The following PARP14 variants were observed in gnomAD, a reference collection of about 807,000 sequenced individuals.
PARP14 encodes protein mono-ADP-ribosyltransferase PARP14.
In PARP14, 59 loss-of-function variants were observed where a neutral mutation model predicts 154.2. The observed-to-expected ratio is 0.38, with a 90% confidence interval of 0.31 to 0.48. PARP14 has a LOEUF of 0.48. PARP14 is among the 20% of genes least tolerant of loss of function. PARP14 has a pLI of 0.98. For missense variants in PARP14, 1,734 were observed against 2,131.6 expected (o/e 0.81, Z 3.67); for synonymous variants, 720 against 780.5 (o/e 0.92, Z 1.29).
chr3:122,681,862 C>A lies in PARP14; in HGVS notation c.187+792C>A, dbSNP rs961954874. ...GGCCTCCCTGGTCTGCAATGGGAAG[C>A]CAGTGACCTGCAGCTCCCAGAATGG... On this transcript the variant is annotated intron_variant, in intron 1 of 16. Transcript: ENST00000474629. This position sits in a 1 kb window ranked among gnomAD's most constrained non-coding sequence, Gnocchi z 5.5. Among the ~76,000 whole-genome samples the A allele has an allele frequency of 1.3e-5, 2 of 152,176 alleles. No individual in the cohort carries two copies. Among genetic ancestry groups the A allele is most frequent in the Admixed American group, 6.5e-5 (1 of 15,278 alleles).
At chr3:122,696,857 C>T (rs1261009752) in intron 5 of PARP14, among the ~76,000 whole-genome samples, 2 of 152,158 alleles carry the variant, frequency 1.3e-5, no homozygotes, top group African/African-American at 2.4e-5. Flanking sequence ...TTTGACCACA[C>T]CTCCTCCTCC....
In PARP14 at chr3:122,719,001, A is replaced by G. The variant is rs771690342; in HGVS notation, c.4807+43A>G. On this transcript the variant is annotated intron_variant, in intron 14 of 16. Coordinates refer to ENST00000474629, the MANE Select transcript of PARP14 (RefSeq NM_017554.3). ...ACTTGTCATCCACTATTTCACATCT[A>G]CTTTGGGCATAACACTATTTGGTAC... 2.0e-6 allele frequency: 3 copies of G among 1,482,526 alleles called. No individual in the cohort carries two copies. The South Asian group carries it at 4.2e-5, about 21-fold the overall frequency. 91.8% of individuals were successfully genotyped at this position (1,482,526 alleles called of 1,614,324 possible).
chr3:122,695,723 A>T (rs1002913047), intron 5 of PARP14, 61 bp downstream of exon 5: 5 of 754,772 alleles, frequency 6.6e-6, no homozygotes, highest in Middle Eastern at 2.6e-4. Context: ...AGAGCTTAAT[A>T]GTTATAAATT....
Position 122,700,781 on chromosome 3 carries a change from G to A in PARP14, c.2227G>A (p.Val743Ile). 1 of 1,613,590 alleles carries A rather than the reference G, an allele frequency of 6.2e-7. No homozygotes were observed. Among genetic ancestry groups the A allele is most frequent in the Non-Finnish European group, 8.5e-7 (1 of 1,179,686 alleles). ...QVWDSVCVKS[V>I]HTDKPGAKQF... ...CTGGGATTCAGTCTGTGTTAAAAGTGTCCATACTGATAAGCCAGGAGCCAA... is the reference window on the plus strand; with the variant it reads ...CTGGGATTCAGTCTGTGTTAAAAGTATCCATACTGATAAGCCAGGAGCCAA... The change falls in exon 6 of 17, where the codon GTC becomes ATC. Residue 743 changes from valine to isoleucine, a missense_variant. Val to Ile is a conservative substitution (Grantham distance 29). Coordinates refer to ENST00000474629, the MANE Select transcript of PARP14 (RefSeq NM_017554.3).
rs931505900 is a variant in PARP14, at chr3:122,713,908, A to G, written c.3806A>G (p.Asn1269Ser). The change falls in exon 11 of 17, where the codon AAT becomes AGT. Residue 1269 changes from asparagine to serine, a missense_variant. Coordinates refer to ENST00000474629, the MANE Select transcript of PARP14 (RefSeq NM_017554.3). ...GCAATTTTAGAATGTGCTGGACAAA[A>G]TGTAGAAAGGGAATGTTCTCAGCAA... ...SKAILECAGQNVERECSQQAQ... is the reference protein window; with the variant it reads ...SKAILECAGQSVERECSQQAQ... The G allele has an allele frequency of 1.2e-6, 2 of 1,612,914 alleles. No homozygotes were observed. Among genetic ancestry groups the G allele is most frequent in the Non-Finnish European group, 1.7e-6 (2 of 1,179,064 alleles).
intron 12 of PARP14, 57 bp downstream of exon 12, chr3:122,714,486 T>C (rs1342869415): frequency 2.1e-6 from 3 of 1,401,898 alleles, no homozygotes; most frequent in East Asian, 4.8e-5. Context: ...TCCCTTTCAT[T>C]TGGAGCTGAG....
At chr3:122,716,395 T>A (rs1932998959) in intron 12 of PARP14, among the ~76,000 whole-genome samples, 2 of 152,306 alleles carry the variant, frequency 1.3e-5, no homozygotes, top group South Asian at 4.1e-4. Flanking sequence ...TGATTGAATA[T>A]TTACTGAGTG....
intron 14 of PARP14, among the ~76,000 whole-genome samples, chr3:122,719,652 C>T (rs778093644): frequency 2.6e-5 from 4 of 152,158 alleles, no homozygotes; most frequent in South Asian, 2.1e-4. Context: ...AACAGATTCC[C>T]GAGACTCTGA....
In PARP14 at chr3:122,728,665, C is replaced by CA; in HGVS notation, c.*68_*69insA. The CA allele has an allele frequency of 8.7e-7, 1 of 1,155,470 alleles. No homozygotes were observed. The allele number at this position is 1,155,470 out of a possible 1,614,324, so 71.6% of individuals were successfully genotyped here. A position where few individuals can be genotyped will look rare whatever the true frequency, so the allele number is the denominator to read the frequency against. ...TATCTAGTTGTAAAACAAGTTTTAG[C>CA]TTTTTTTTTTAATTCCTCTTAACAG... On this transcript the variant is annotated 3_prime_UTR_variant, in exon 17 of 17. Coordinates refer to ENST00000474629, the MANE Select transcript of PARP14 (RefSeq NM_017554.3).
intron 1 of PARP14, among the ~76,000 whole-genome samples, chr3:122,683,058 AAAACAAAAACAAAC>A (rs1473557128): frequency 1.3e-5 from 2 of 152,158 alleles, no homozygotes; most frequent in African/African-American, 4.8e-5. Context: ...CATCTAAAAC[AAAACAAAAACAAAC>A]AAACAAAAAG....
At position 122,681,570 on chromosome 3, in the gene PARP14, T is replaced by C. The variant is rs1474227483; in HGVS notation, c.187+500T>C. Among the ~76,000 whole-genome samples, 1 of 152,124 alleles carries C rather than the reference T, an allele frequency of 6.6e-6. No homozygotes were observed. The highest frequency in any genetic ancestry group is 2.4e-5 in the African/African-American group (1 of 41,424). On this transcript the variant is annotated intron_variant, in intron 1 of 16. Coordinates refer to ENST00000474629, the MANE Select transcript of PARP14 (RefSeq NM_017554.3). The surrounding 1 kb of genome is among the most constrained non-coding windows in gnomAD (Gnocchi z 5.5). ...AGAGGGGCAGAGGCGCTACCTAAAA[T>C]CACACTGCCTGAATGTCAACGTAGA...
Position 122,701,755 on chromosome 3 carries a change from T to A in PARP14, c.3081+120T>A. 1 of 734,028 alleles carries A rather than the reference T, an allele frequency of 1.4e-6. No individual in the cohort carries two copies. Among genetic ancestry groups the A allele is most frequent in the South Asian group, 2.0e-5 (1 of 49,720 alleles). The allele number at this position is 734,028 out of a possible 1,614,324, so 45.5% of individuals were successfully genotyped here. A position where few individuals can be genotyped will look rare whatever the true frequency, so the allele number is the denominator to read the frequency against. On this transcript the variant is annotated intron_variant, in intron 6 of 16. Coordinates refer to ENST00000474629, the MANE Select transcript of PARP14 (RefSeq NM_017554.3). The surrounding 1 kb of genome is among the most constrained non-coding windows in gnomAD (Gnocchi z 4.0). The stretch of plus-strand genomic sequence containing the variant: ...GTGAGAATCAAGGGAGAGAATCCCA[T>A]GCCTTCCACCCCTGCCTTGAAACAA...
chr3:122,710,525 G>A (rs1282768794), intron 9 of PARP14, among the ~76,000 whole-genome samples: 1 of 152,016 alleles, frequency 6.6e-6, no homozygotes, highest in Non-Finnish European at 1.5e-5. Flanking sequence ...GCTTAGTCTT[G>A]CTTGGCTATA....
Position 122,685,266 on chromosome 3 carries a change from C to T in PARP14, c.269C>T (p.Pro90Leu). Residue 90 changes from proline (P) to leucine (L), a missense_variant, in exon 2 of 17, where the codon CCT (proline) becomes CTT (leucine). Pro to Leu is a moderately conservative substitution (Grantham distance 98, BLOSUM62 -3). This residue lies in a region of PARP14 where 1,646 missense variants were observed against 1,976.0 expected (regional missense o/e 0.83). Coordinates refer to ENST00000474629, the MANE Select transcript of PARP14 (RefSeq NM_017554.3). Reference protein sequence around the residue: ...KGTFKLTVQLPATPDEIDHVF... With the variant: ...KGTFKLTVQLLATPDEIDHVF... ...ACATTCAAGTTAACTGTCCAGTTAC[C>T]TGCAACCCCAGATGAAATCGATCAT... 5 of 1,613,800 alleles carry T rather than the reference C, an allele frequency of 3.1e-6. No homozygotes were observed. The highest frequency in any genetic ancestry group is 4.2e-6 in the Non-Finnish European group (5 of 1,179,738).
chr3:122,725,951 A>G (rs992522539), intron 15 of PARP14, among the ~76,000 whole-genome samples: 1 of 152,082 alleles, frequency 6.6e-6, no homozygotes, highest in Non-Finnish European at 1.5e-5. Flanking sequence ...TTCATTGCTT[A>G]CCCTAGAGAT....
At chr3:122,711,888 C>T (rs1316461881) in intron 9 of PARP14, among the ~76,000 whole-genome samples, 1 of 152,058 alleles carries the variant, frequency 6.6e-6, no homozygotes, top group South Asian at 2.1e-4. Context: ...TTCATAGCAG[C>T]CTTGAATGAT....
intron 15 of PARP14, among the ~76,000 whole-genome samples, chr3:122,723,294 C>T (rs1933205139): frequency 6.6e-6 from 1 of 152,172 alleles, no homozygotes; most frequent in Admixed American, 6.5e-5. Flanking sequence ...ATAACTCCCC[C>T]TCCCCAACCC....
intron 3 of PARP14, among the ~76,000 whole-genome samples, chr3:122,687,819 G>A (rs1319223965): frequency 6.6e-6 from 1 of 152,236 alleles, no homozygotes; most frequent in East Asian, 1.9e-4. Context: ...GAGCTAGAGA[G>A]ATAAAGTGGT....
rs1459219433 is a variant in PARP14 at position 122,718,122 on chromosome 3, T to C, written c.4052T>C (p.Ile1351Thr). 2 of 1,613,922 alleles carry C rather than the reference T, an allele frequency of 1.2e-6. No individual in the cohort carries two copies. The highest frequency in any genetic ancestry group is 1.1e-5 in the South Asian group (1 of 91,074). ...DKVAEAIIDAIEDFVQKGSAQ... is the reference protein window; with the variant it reads ...DKVAEAIIDATEDFVQKGSAQ... ...GTTGCTGAAGCCATAATTGATGCCATTGAAGACTTTGTCCAGAAAGGATCA... is the reference window on the plus strand; with the variant it reads ...GTTGCTGAAGCCATAATTGATGCCACTGAAGACTTTGTCCAGAAAGGATCA... Residue 1351 changes from isoleucine (I) to threonine (T), a missense_variant, in exon 13 of 17, where the codon ATT becomes ACT. Ile to Thr is a moderately conservative substitution (Grantham distance 89). This residue lies in a region of PARP14 where 1,646 missense variants were observed against 1,976.0 expected (regional missense o/e 0.83). Transcript: ENST00000474629.
Sources: allele counts gnomAD v4.1 joint callset (sites outside exome capture counted in the v4.1 genomes callset), GRCh38; gene constraint gnomAD v4.1.1; regional missense constraint gnomAD v4.1.1; non-coding constraint Gnocchi (gnomAD v3.1); transcripts MANE v1.5; gene names NCBI Gene and HGNC (gene_info 2026-07-23, HGNC 2026-07-21).